The following TOMM20L variants were observed in gnomAD, a reference collection of about 807,000 sequenced individuals.
TOMM20L encodes the protein TOMM20-like protein 1.
Under a neutral mutation model 20.4 loss-of-function variants are expected in TOMM20L, and 19 were observed. The observed-to-expected ratio is 0.93, with a 90% CI of 0.65 to 1.36. The LOEUF (loss-of-function observed/expected upper bound fraction) is 1.36. TOMM20L is among the 40% of genes most tolerant of loss of function. The pLI is 0.00. For missense variants in TOMM20L, 218 were observed against 203.7 expected, an observed-to-expected ratio of 1.07 and a Z score of -0.43; for synonymous variants, 75 against 79.6, an observed-to-expected ratio of 0.94 and a Z score of 0.30.
intron 2 of TOMM20L, among the ~76,000 whole-genome samples, chr14:58,397,259 T>C (rs573729781): frequency 2.0e-5 from 3 of 152,316 alleles, no homozygotes; most frequent in Admixed American, 2.0e-4. Context: ...AACACATATA[T>C]GTATGTGTGT....
At position 58,401,605 on chromosome 14, in the gene TOMM20L, A is replaced by G. The variant is rs190234315; in HGVS notation, c.181-1075A>G. 5.2e-3 allele frequency among the ~76,000 whole-genome samples: 787 copies of G among 151,794 alleles called. 10 individuals are homozygous for G. The highest frequency in any genetic ancestry group is 0.018 in the African/African-American group (765 of 41,354). On this transcript the variant is annotated intron_variant, in intron 2 of 4. Transcript: ENST00000360945. ...AAAAAGGTGACCCCTTTCCAGGCTCATTGCATTTTAAAAAGAAAATTAGTG... is the reference window on the plus strand; with the variant it reads ...AAAAAGGTGACCCCTTTCCAGGCTCGTTGCATTTTAAAAAGAAAATTAGTG...
At chr14:58,410,246 TG>T (rs1197188165), downstream of TOMM20L, among the ~76,000 whole-genome samples, 1 of 152,030 alleles carries the variant, frequency 6.6e-6, no homozygotes, top group Non-Finnish European at 1.5e-5. Context: ...AATTTTTTTT[TG>T]TATTTTTTGT....
At chr14:58,409,565 T>C, downstream of TOMM20L, among the ~76,000 whole-genome samples, 1 of 152,202 alleles carries the variant, frequency 6.6e-6, no homozygotes, top group East Asian at 1.9e-4. Flanking sequence ...CTTTTACTTA[T>C]TTTAATTTTA....
chr14:58,405,661 C>T (rs1342991390), intron 3 of TOMM20L, among the ~76,000 whole-genome samples: 1 of 152,138 alleles, frequency 6.6e-6, no homozygotes, highest in East Asian at 1.9e-4. Flanking sequence ...TGTGTGCCAC[C>T]ATGCCTGGCT....
rs775742811 is a variant in TOMM20L, at chr14:58,395,956, G to C, written c.-2G>C. 11 of 1,414,478 alleles carry C rather than the reference G, an allele frequency of 7.8e-6. No individual in the cohort carries two copies. Among genetic ancestry groups the C allele is most frequent in the Admixed American group, 5.2e-5 (2 of 38,588 alleles). The allele number at this position is 1,414,478 out of a possible 1,614,324, so 87.6% of individuals were successfully genotyped here. Reference sequence around the variant, plus strand: ...CTCGGCTTGTGGGACGCCCGCGGTCGGATGCCCTCCGTCCGCTCCCTCCTC... The same window carrying C: ...CTCGGCTTGTGGGACGCCCGCGGTCCGATGCCCTCCGTCCGCTCCCTCCTC... On this transcript the variant is annotated 5_prime_UTR_variant, in exon 1 of 5. Transcript: ENST00000360945.
intron 2 of TOMM20L, among the ~76,000 whole-genome samples, chr14:58,399,929 T>TATATATATATATATA (rs2035972935): frequency 1.5e-5 from 2 of 131,876 alleles, no homozygotes; most frequent in African/African-American, 2.8e-5. Context: ...TATATATATA[T>TATATATATATATATA]TCCACTTGTC....
At chr14:58,408,111 T>A (rs1246065372) in intron 4 of TOMM20L, among the ~76,000 whole-genome samples, 1 of 152,134 alleles carries the variant, frequency 6.6e-6, no homozygotes, top group East Asian at 1.9e-4. Context: ...CCTGAAGATA[T>A]ACGAAAATGT....
chr14:58,399,885 CATATATATATATATATATAT>C lies in TOMM20L; in HGVS notation c.181-2770_181-2751del, dbSNP rs869260438. Among the ~76,000 whole-genome samples the C allele has an allele frequency of 1.5e-3, 55 of 37,312 alleles. 1 individual carries two copies. The highest frequency in any genetic ancestry group is 3.4e-3 in the South Asian group (3 of 888). 24.5% of individuals were successfully genotyped at this position (37,312 alleles called of 152,430 possible). On this transcript the variant is annotated intron_variant, in intron 2 of 4. Transcript: ENST00000360945. ...ATTCTTATTTTCAAATGCTCTATTGCATATATATATATATATATATATATATATATATATATATATATATT... is the reference window on the plus strand; with the variant it reads ...ATTCTTATTTTCAAATGCTCTATTGCATATATATATATATATATATATATT...
At chr14:58,408,714 A>G, downstream of TOMM20L, 1 of 858,024 alleles carries the variant, frequency 1.2e-6, no homozygotes, top group Non-Finnish European at 1.8e-6. Flanking sequence ...ATGATCGAAC[A>G]CATAAGTTGC....
intron 2 of TOMM20L, among the ~76,000 whole-genome samples, chr14:58,400,488 T>A (rs551840176): frequency 3.9e-5 from 6 of 151,954 alleles, no homozygotes; most frequent in Middle Eastern, 3.4e-3. Flanking sequence ...TGGCTGCCTA[T>A]TCCGATTGAC....
intron 2 of TOMM20L, among the ~76,000 whole-genome samples, chr14:58,396,770 G>A (rs905258266): frequency 6.6e-6 from 1 of 152,184 alleles, no homozygotes; most frequent in African/African-American, 2.4e-5. Context: ...AAATCTCTGC[G>A]GCAAAATTTG....
chr14:58,409,214 A>AT, downstream of TOMM20L: 9 of 1,594,106 alleles, frequency 5.6e-6, no homozygotes, highest in South Asian at 1.1e-5. Context: ...AAAAATATGA[A>AT]TTTTTTAAAA....
chr14:58,415,489 A>C, the TOMM20L span, among the ~76,000 whole-genome samples: 1 of 152,346 alleles, frequency 6.6e-6, no homozygotes, highest in South Asian at 2.1e-4. Context: ...CAAATGAAAA[A>C]ACAGAAGGTC....
At chr14:58,411,703 T>C (rs890681390), downstream of TOMM20L, among the ~76,000 whole-genome samples, 8 of 151,932 alleles carry the variant, frequency 5.3e-5, no homozygotes, top group African/African-American at 1.9e-4. Context: ...CACGCCCAGC[T>C]AATTTTTGTA....
the TOMM20L span, among the ~76,000 whole-genome samples, chr14:58,413,834 C>T: frequency 6.6e-6 from 1 of 150,960 alleles, no homozygotes; most frequent in East Asian, 2.0e-4. Context: ...AGTGAAACCC[C>T]GTCTTTACTA....
downstream of TOMM20L, chr14:58,408,738 G>A (rs745562759): frequency 1.3e-6 from 1 of 759,182 alleles, no homozygotes; most frequent in Middle Eastern, 3.0e-4. Flanking sequence ...AAAATTAACA[G>A]TCACAATTGA....
downstream of TOMM20L, among the ~76,000 whole-genome samples, chr14:58,409,908 T>C (rs1473155732): frequency 3.9e-5 from 6 of 151,976 alleles, no homozygotes; most frequent in Admixed American, 3.9e-4. Context: ...ACAGGTTCTC[T>C]CTCTGTTGCC....
In TOMM20L at chr14:58,402,872, T is replaced by C. The variant is rs1049321870; in HGVS notation, c.262+111T>C. On this transcript the variant is annotated intron_variant, in intron 3 of 4. Transcript: ENST00000360945. ...AGCTGGATGTGTTAGCCAACTCCCC[T>C]CATTAAAGAAAAACTATCCCAGCAT... 56 of 764,166 alleles carry C rather than the reference T, an allele frequency of 7.3e-5. 1 individual carries two copies. Among genetic ancestry groups the C allele is most frequent in the Non-Finnish European group, 1.2e-4 (55 of 453,448 alleles). The allele number at this position is 764,166 out of a possible 1,614,324, so 47.3% of individuals were successfully genotyped here. A position where few individuals can be genotyped will look rare whatever the true frequency, so the allele number is the denominator to read the frequency against.
chr14:58,396,071 G>A lies in TOMM20L; in HGVS notation c.114G>A (p.Ala38=). The A allele has an allele frequency of 1.4e-6, 2 of 1,403,488 alleles. No homozygotes were observed. The highest frequency in any genetic ancestry group is 1.5e-5 in the African/African-American group (1 of 67,016). The allele number at this position is 1,403,488 out of a possible 1,614,324, so 86.9% of individuals were successfully genotyped here. The change falls in exon 1 of 5, where the codon GCG becomes GCA. Residue 38 remains alanine, a synonymous_variant. Transcript: ENST00000360945. ...ACCGGAAGCGGCGCGGGGACCCCGC[G>A]TTCAAGCGCCGCCTGCGGGACAGTG... The part of the protein sequence containing the change: ...YLNRKRRGDP[A]FKRRLRDKRR...
Sources: allele counts gnomAD v4.1 joint callset (sites outside exome capture counted in the v4.1 genomes callset), GRCh38; gene constraint gnomAD v4.1.1; transcripts MANE v1.5; gene names NCBI Gene and HGNC (gene_info 2026-07-23, HGNC 2026-07-21).